Variants in BBS4 observed in about 807,000 individuals in gnomAD.
BBS4 encodes BBSome complex member BBS4.
Under a neutral mutation model 71.4 loss-of-function variants are expected in BBS4, and 58 were observed. The observed-to-expected ratio is 0.81, with a 90% CI of 0.66 to 1.01. The LOEUF (loss-of-function observed/expected upper bound fraction) is 1.01, where lower values mean the gene tolerates loss of function less well. BBS4 is among the 50% of genes least tolerant of loss of function. The pLI, the probability that BBS4 is intolerant of heterozygous loss-of-function variation, is 0.00. For missense variants in BBS4, 660 were observed against 607.9 expected (o/e 1.09, Z -0.90); for synonymous variants, 228 against 216.8 (o/e 1.05, Z -0.46).
chr15:72,718,889 CTA>C (rs2065514313), intron 6 of BBS4, among the ~76,000 whole-genome samples: 1 of 152,044 alleles, frequency 6.6e-6, no homozygotes, highest in African/African-American at 2.4e-5. Flanking sequence ...GAGGGGATAT[CTA>C]AATTGAGATG....
intron 15 of BBS4, 42 bp from the exon 16 acceptor site, chr15:72,737,436 A>G: frequency 2.0e-6 from 3 of 1,512,766 alleles, no homozygotes; most frequent in Non-Finnish European, 2.7e-6. Context: ...TTTCTTCTGA[A>G]ATTGTGGAAC....
intron 1 of BBS4, among the ~76,000 whole-genome samples, chr15:72,687,123 A>AATTTTTTTTTTTTTTTTTTT (rs1491389178): frequency 2.5e-4 from 3 of 11,986 alleles, no homozygotes; most frequent in South Asian, 4.9e-3. Flanking sequence ...GAAGACAGAA[A>AATTTTTTTTTTTTTTTTTTT]CTTTTTTTTT....
chr15:72,719,087 C>T lies in BBS4; in HGVS notation c.405+2237C>T, dbSNP rs573454199. 8.6e-5 allele frequency among the ~76,000 whole-genome samples: 13 copies of T among 151,616 alleles called. No homozygotes were observed. In the South Asian group the frequency reaches 1.2e-3, roughly 15 times the overall value. On this transcript the variant is annotated intron_variant, in intron 6 of 15. Transcript: ENST00000268057. ...TTACTTTTTTTTTGTCTGTTTGAGACGGCACAGGAAAAGTTACTGCTTTAA... is the reference window on the plus strand; with the variant it reads ...TTACTTTTTTTTTGTCTGTTTGAGATGGCACAGGAAAAGTTACTGCTTTAA...
At chr15:72,735,368 C>T (rs1366365581) in intron 13 of BBS4, 186 bp downstream of exon 13, 1 of 636,236 alleles carries the variant, frequency 1.6e-6, no homozygotes, top group Non-Finnish European at 2.9e-6. Context: ...GGAATTGACA[C>T]TCTGAGAAAA....
intron 2 of BBS4, among the ~76,000 whole-genome samples, chr15:72,707,303 C>G (rs1486664048): frequency 1.3e-5 from 2 of 151,430 alleles, no homozygotes; most frequent in Non-Finnish European, 2.9e-5. Flanking sequence ...CCAAGCCTCC[C>G]TAGTAGCTGG....
rs376143305 is a variant in BBS4 at position 72,712,310 on chromosome 15, A to G, written c.220+3A>G. Reference sequence around the variant, plus strand: ...TGAATATGCTATCTATGTCCAAGGTAAGACACATACTTCTTGTCTTCTTGC... The same window carrying G: ...TGAATATGCTATCTATGTCCAAGGTGAGACACATACTTCTTGTCTTCTTGC... On this transcript the variant is annotated splice_donor_region_variant and intron_variant, in intron 4 of 15. Transcript: ENST00000268057. 3.7e-6 allele frequency: 6 copies of G among 1,612,638 alleles called. No individual in the cohort carries two copies. In the African/African-American group the frequency reaches 5.3e-5, roughly 14 times the overall value.
rs755929085 is a variant in BBS4 at position 72,724,662 on chromosome 15, G to C, written c.587+7G>C. On this transcript the variant is annotated splice_region_variant and intron_variant, in intron 8 of 15. Coordinates refer to ENST00000268057, the MANE Select transcript of BBS4 (RefSeq NM_033028.5). ...TCTACAAGAAAGCAGTGGAGTAAGTGTATCTGTTTCCTTTAAAACAGTGAG... is the reference window on the plus strand; with the variant it reads ...TCTACAAGAAAGCAGTGGAGTAAGTCTATCTGTTTCCTTTAAAACAGTGAG... The C allele has an allele frequency of 6.2e-6, 10 of 1,613,646 alleles. No homozygotes were observed. In the African/African-American group the frequency reaches 1.3e-4, roughly 22 times the overall value.
At chr15:72,733,808 C>T (rs62017592) in intron 12 of BBS4, among the ~76,000 whole-genome samples, 2,350 of 152,208 alleles carry the variant, frequency 0.015, 35 homozygotes, top group Non-Finnish European at 0.023. Flanking sequence ...ATTGCTGGGT[C>T]GAAGGGTAGT....
intron 6 of BBS4, among the ~76,000 whole-genome samples, chr15:72,718,091 C>T (rs1595930949): frequency 6.6e-6 from 1 of 152,188 alleles, no homozygotes; most frequent in African/African-American, 2.4e-5. Flanking sequence ...TCAGGTGATT[C>T]ACCTGCCTTG....
chr15:72,721,842 C>A (rs2065582948), intron 6 of BBS4, among the ~76,000 whole-genome samples: 2 of 152,084 alleles, frequency 1.3e-5, no homozygotes, highest in South Asian at 4.1e-4. Context: ...CCAAAGCTAC[C>A]TTAAATAAAG....
rs2277597 is a variant in BBS4 at position 72,736,711 on chromosome 15, T to C, written c.1249-51T>C. On this transcript the variant is annotated intron_variant, in intron 14 of 15. Transcript: ENST00000268057. ...CGAAGACCAAAGAAGTGGGTTGGCT[T>C]GTCTCTGACAGTCACGCTTTTGATT... 18,508 of 1,593,068 alleles carry C rather than the reference T, an allele frequency of 0.012. 1,371 individuals are homozygous for C. In the African/African-American group the frequency reaches 0.18, roughly 16 times the overall value.
rs2151057022 is a variant in BBS4 at position 72,736,819 on chromosome 15, T to G, written c.1306T>G (p.Trp436Gly). 6.2e-7 allele frequency: 1 copy of G among 1,614,240 alleles called. No individual in the cohort carries two copies. Among genetic ancestry groups the G allele is most frequent in the Non-Finnish European group, 8.5e-7 (1 of 1,180,046 alleles). Residue 436 changes from tryptophan (W) to glycine (G), a missense_variant, in exon 15 of 16, where the codon TGG (tryptophan) becomes GGG (glycine). Transcript: ENST00000268057. Reference sequence around the variant, plus strand: ...TCTCCAGGTTGGGGAGGCACTGGTCTGGACCAAACCAGTTAAAGATCCCAA... The same window carrying G: ...TCTCCAGGTTGGGGAGGCACTGGTCGGGACCAAACCAGTTAAAGATCCCAA... ...AALQVGEALV[W>G]TKPVKDPKSK...
chr15:72,725,889 C>CCTCTT (rs2065681266), intron 8 of BBS4, among the ~76,000 whole-genome samples: 1 of 2,350 alleles, frequency 4.3e-4, no homozygotes, highest in Non-Finnish European at 1.1e-3. Flanking sequence ...CTTTCCCCAT[C>CCTCTT]CCCCTTTCCC....
chr15:72,710,195 G>GTTCTTTTTTTTTTTTTTT (rs1239689474), intron 3 of BBS4, among the ~76,000 whole-genome samples: 6 of 103,436 alleles, frequency 5.8e-5, no homozygotes, highest in African/African-American at 1.5e-4. Flanking sequence ...ATTTTGTCGA[G>GTTCTTTTTTTTTTTTTTT]TTTTTTTTTT....
intron 4 of BBS4, 96 bp from the exon 5 acceptor site, chr15:72,715,195 T>A (rs2065445884): frequency 1.2e-6 from 1 of 817,470 alleles, no homozygotes; most frequent in African/African-American, 1.7e-5. Flanking sequence ...CTTGATGTGG[T>A]TTCCCAGTTT....
At chr15:72,695,532 C>A (rs941765436) in intron 2 of BBS4, among the ~76,000 whole-genome samples, 2 of 152,178 alleles carry the variant, frequency 1.3e-5, no homozygotes, top group Non-Finnish European at 2.9e-5. Flanking sequence ...GGTGATCTGC[C>A]CACCTTGGCC....
At chr15:72,727,325 A>G (rs1021433380) in intron 8 of BBS4, among the ~76,000 whole-genome samples, 1 of 152,224 alleles carries the variant, frequency 6.6e-6, no homozygotes, top group African/African-American at 2.4e-5. Flanking sequence ...GACAAATACT[A>G]GTGAGGGATT....
At chr15:72,726,384 T>C (rs1249702158) in intron 8 of BBS4, among the ~76,000 whole-genome samples, 2 of 151,670 alleles carry the variant, frequency 1.3e-5, no homozygotes, top group East Asian at 2.0e-4. Flanking sequence ...AGTGCTGGGA[T>C]TGCAGGCGTG....
intron 8 of BBS4, among the ~76,000 whole-genome samples, chr15:72,726,407 C>T (rs1248584154): frequency 8.8e-6 from 1 of 114,268 alleles, no homozygotes; most frequent in African/African-American, 3.1e-5. Context: ...CCACTGCGCC[C>T]AGCCTTGTGT....
Sources: allele counts gnomAD v4.1 joint callset (sites outside exome capture counted in the v4.1 genomes callset), GRCh38; gene constraint gnomAD v4.1.1; transcripts MANE v1.5; gene names NCBI Gene and HGNC (gene_info 2026-07-23, HGNC 2026-07-21).